Variants in AACS observed in about 807,000 individuals in gnomAD.
AACS encodes the protein acetoacetate-CoA ligase.
In AACS, 69 loss-of-function variants were observed where a neutral mutation model predicts 83.1. That is an observed-to-expected ratio of 0.83 (90% CI 0.68 to 1.01). AACS has a LOEUF of 1.01. Among genes scored for constraint, AACS ranks in the 50% least tolerant of loss-of-function variants. AACS has a pLI of 0.00. For synonymous variants in AACS, 333 were observed against 343.4 expected (o/e 0.97, Z 0.33); for missense variants, 866 against 882.2 (o/e 0.98, Z 0.23).
intron 1 of AACS, among the ~76,000 whole-genome samples, chr12:125,069,093 G>A (rs1013551301): frequency 2.0e-5 from 3 of 152,042 alleles, no homozygotes; most frequent in Non-Finnish European, 2.9e-5. Context: ...CACCCACCTC[G>A]ACCTCCCAAA....
At chr12:125,086,222 A>G (rs1305028859) in intron 3 of AACS, 108 bp from the exon 4 acceptor site, 36 of 889,156 alleles carry the variant, frequency 4.0e-5, no homozygotes, top group Middle Eastern at 2.2e-4. Context: ...CCCTGGGTGT[A>G]GATTAATAAC....
Position 125,065,625 on chromosome 12 carries a change from A to G in AACS, c.41A>G (p.Glu14Gly). The change falls in exon 1 of 18, where the codon GAG becomes GGG. Residue 14 changes from glutamate to glycine, a missense_variant. Transcript: ENST00000316519. ...EERPGREEILECQVMWEPDSK... is the reference protein window; with the variant it reads ...EERPGREEILGCQVMWEPDSK... The stretch of plus-strand genomic sequence containing the variant: ...CGCCCCGGTCGGGAGGAGATCCTGG[A>G]GTGCCAGGTGATGTGGGAGCCTGAC... 1.9e-6 allele frequency: 3 copies of G among 1,538,796 alleles called. No homozygotes were observed. Among genetic ancestry groups the G allele is most frequent in the Non-Finnish European group, 2.6e-6 (3 of 1,140,954 alleles).
intron 12 of AACS, 78 bp downstream of exon 12, chr12:125,125,102 G>A (rs960691808): frequency 1.3e-6 from 2 of 1,589,612 alleles, no homozygotes; most frequent in African/African-American, 2.7e-5. Flanking sequence ...CCAGTGCTTG[G>A]ATTCATCCCA....
chr12:125,118,901 C>T (rs1002628769), intron 10 of AACS, 136 bp downstream of exon 10: 1 of 1,312,700 alleles, frequency 7.6e-7, no homozygotes, highest in Non-Finnish European at 1.0e-6. Context: ...GTGGACGCCC[C>T]CTCTCCAAGA....
At chr12:125,076,196 G>A (rs867724234) in intron 2 of AACS, among the ~76,000 whole-genome samples, 3 of 152,164 alleles carry the variant, frequency 2.0e-5, no homozygotes, top group East Asian at 1.9e-4. Flanking sequence ...GTTGGGTGTC[G>A]TCTTTGTCTT....
At chr12:125,086,303 T>A in intron 3 of AACS, 27 bp from the exon 4 acceptor site, 1 of 1,606,436 alleles carries the variant, frequency 6.2e-7, no homozygotes, top group Non-Finnish European at 8.5e-7. Context: ...GTGGTCTGTG[T>A]ACAATTTACC....
At chr12:125,111,085 T>C (rs1956945375) in intron 8 of AACS, among the ~76,000 whole-genome samples, 1 of 152,228 alleles carries the variant, frequency 6.6e-6, no homozygotes, top group Non-Finnish European at 1.5e-5. Context: ...GCCTTATTTC[T>C]AGCAGTTACA....
At chr12:125,076,391 G>A in intron 2 of AACS, 100 bp from the exon 3 acceptor site, 1 of 1,522,680 alleles carries the variant, frequency 6.6e-7, no homozygotes, top group Non-Finnish European at 8.9e-7. Context: ...TTCCTGGGAA[G>A]AAGAACCACT....
intron 12 of AACS, 119 bp from the exon 13 acceptor site, chr12:125,128,042 T>C: frequency 1.6e-6 from 1 of 638,550 alleles, no homozygotes; most frequent in South Asian, 2.5e-5. Flanking sequence ...GATGTTGCAG[T>C]GTTTGTCTGG....
chr12:125,091,387 A>G (rs1956481588), intron 4 of AACS, 39 bp from the exon 5 acceptor site: 3 of 1,606,060 alleles, frequency 1.9e-6, no homozygotes, highest in Non-Finnish European at 2.6e-6. Context: ...CCTCCCATAC[A>G]CCCTGAACCC....
At chr12:125,065,834 G>A (rs1955675455) in intron 1 of AACS, 117 bp downstream of exon 1, 3 of 1,363,614 alleles carry the variant, frequency 2.2e-6, no homozygotes, top group Admixed American at 7.4e-5. Flanking sequence ...CCACTTGATG[G>A]CGGGGAGGCC....
intron 4 of AACS, among the ~76,000 whole-genome samples, chr12:125,088,856 C>T (rs1266114723): frequency 2.6e-5 from 4 of 152,150 alleles, no homozygotes; most frequent in Admixed American, 6.5e-5. Context: ...CAGTTGGATA[C>T]GGATTTGACC....
rs1343583783 is a variant in AACS at position 125,118,707 on chromosome 12, G to A, written c.1063G>A (p.Asp355Asn). The change falls in exon 10 of 18, where the codon GAT becomes AAT. Residue 355 changes from aspartate to asparagine, a missense_variant. Asp to Asn is a conservative substitution (Grantham distance 23). Transcript: ENST00000316519. Reference sequence around the variant, plus strand: ...CACAGGAGCGGCCATGGTCTTGTACGATGGCTCCCCCCTGGTGCCCACGCC... The same window carrying A: ...CACAGGAGCGGCCATGGTCTTGTACAATGGCTCCCCCCTGGTGCCCACGCC... ...LATGAAMVLY[D>N]GSPLVPTPNV... 22 of 1,613,966 alleles carry A rather than the reference G, an allele frequency of 1.4e-5. No homozygotes were observed. Among genetic ancestry groups the A allele is most frequent in the African/African-American group, 2.7e-5 (2 of 74,930 alleles).
chr12:125,087,519 C>T (rs1159951099), intron 4 of AACS, among the ~76,000 whole-genome samples: 2 of 152,164 alleles, frequency 1.3e-5, no homozygotes, highest in African/African-American at 4.8e-5. Flanking sequence ...CAGTGCAGCC[C>T]TGGTGGTTGG....
intron 1 of AACS, among the ~76,000 whole-genome samples, chr12:125,068,472 T>C (rs1195924641): frequency 6.6e-6 from 1 of 151,990 alleles, no homozygotes; most frequent in Non-Finnish European, 1.5e-5. Context: ...TAAATAAAAG[T>C]TGGGAGACCA....
chr12:125,107,020 T>C (rs780519961), intron 7 of AACS, 101 bp from the exon 8 acceptor site: 22 of 1,538,896 alleles, frequency 1.4e-5, no homozygotes, highest in Non-Finnish European at 1.9e-5. Context: ...TCCTGGCTTT[T>C]CTGGGGGTAG....
At chr12:125,139,257 CCTCA>C (rs1419828797) in intron 17 of AACS, 2 of 152,286 alleles carry the variant, frequency 1.3e-5, no homozygotes, top group Non-Finnish European at 1.5e-5. Context: ...GAGAGGAGCC[CCTCA>C]CTCACCCGCC....
At chr12:125,096,359 A>G (rs978398018) in intron 5 of AACS, among the ~76,000 whole-genome samples, 1 of 152,212 alleles carries the variant, frequency 6.6e-6, no homozygotes, top group Non-Finnish European at 1.5e-5. Context: ...TTAACTGGCA[A>G]TCATTTCTTC....
intron 3 of AACS, among the ~76,000 whole-genome samples, chr12:125,082,996 T>TA (rs747692818): frequency 6.6e-6 from 1 of 152,234 alleles, no homozygotes; most frequent in East Asian, 1.9e-4. Flanking sequence ...CACTGAGTCT[T>TA]ACTTGTATTA....
Sources: allele counts gnomAD v4.1 joint callset (sites outside exome capture counted in the v4.1 genomes callset), GRCh38; gene constraint gnomAD v4.1.1; transcripts MANE v1.5; gene names NCBI Gene and HGNC (gene_info 2026-07-23, HGNC 2026-07-21).